The following RAP1GAP variants were observed in gnomAD, a reference collection of about 807,000 sequenced individuals.
The protein encoded by RAP1GAP is RAP1 GTPase activating protein.
RAP1GAP carries 35 observed loss-of-function variants against 87.2 expected under a neutral mutation model. The observed-to-expected ratio is 0.40, with a 90% CI of 0.31 to 0.53. The LOEUF (loss-of-function observed/expected upper bound fraction) is 0.53. Ranked by LOEUF, RAP1GAP falls within the 20% of genes least tolerant of loss-of-function variation. The pLI is 0.48. For synonymous variants in RAP1GAP, 375 were observed against 363.9 expected, an observed-to-expected ratio of 1.03 and a Z score of -0.35; for missense variants, 734 against 898.9, an observed-to-expected ratio of 0.82 and a Z score of 2.35.
chr1:21,612,517 G>A (rs116068530), intron 10 of RAP1GAP, among the ~76,000 whole-genome samples: 2,237 of 152,248 alleles, frequency 0.015, 31 homozygotes, highest in Non-Finnish European at 0.022. Flanking sequence ...CCAATTTGCT[G>A]TGGGCATTGA....
chr1:21,598,850 CTG>C lies in RAP1GAP; in HGVS notation c.1777-350_1777-349del, dbSNP rs563623121. ...GAAGAGACCATTGCAATTCTAGACT[CTG>C]TGCCCCAGCAGGCAGGGCCTGGGTC... On this transcript the variant is annotated intron_variant, in intron 21 of 24. Coordinates refer to ENST00000374765, the MANE Select transcript of RAP1GAP (RefSeq NM_002885.4). 3.7e-3 allele frequency among the ~76,000 whole-genome samples: 557 copies of C among 152,402 alleles called. 6 individuals are homozygous for C. Among genetic ancestry groups the C allele is most frequent in the African/African-American group, 0.013 (541 of 41,602 alleles).
chr1:21,654,687 C>T (rs1458591574), intron 1 of RAP1GAP, among the ~76,000 whole-genome samples: 2 of 151,892 alleles, frequency 1.3e-5, no homozygotes, highest in Admixed American at 6.6e-5. Flanking sequence ...TAAAAATTAG[C>T]CAGGTGTGAT....
chr1:21,634,791 G>T lies in RAP1GAP; in HGVS notation c.-112-8394C>A. The T allele has an allele frequency of 2.2e-6, 1 of 458,782 alleles. No individual in the cohort carries two copies. 28.4% of individuals were successfully genotyped at this position (458,782 alleles called of 1,614,324 possible). Reference sequence around the variant, plus strand: ...TGTCTATCCAGCATCTGTCTCCCTTGCTCAGGTGGCCTGAGCCCCACTGTG... The same window carrying T: ...TGTCTATCCAGCATCTGTCTCCCTTTCTCAGGTGGCCTGAGCCCCACTGTG... On this transcript the variant is annotated intron_variant, in intron 2 of 24. Transcript: ENST00000374765. The surrounding 1 kb of genome is among the most constrained non-coding windows in gnomAD (Gnocchi z 4.1).
intron 2 of RAP1GAP, among the ~76,000 whole-genome samples, chr1:21,648,627 G>A (rs146974341): frequency 0.012 from 1,786 of 152,296 alleles, 34 homozygotes; most frequent in Admixed American, 0.054. Flanking sequence ...TGTCAGTGGT[G>A]TTATTACTGA....
intron 2 of RAP1GAP, among the ~76,000 whole-genome samples, chr1:21,647,562 C>A (rs879665234): frequency 2.6e-5 from 4 of 152,214 alleles, no homozygotes; most frequent in Non-Finnish European, 5.9e-5. Flanking sequence ...CACCTGAAGT[C>A]AGCTCCCGGA....
chr1:21,606,455 G>T (rs2074668557), intron 17 of RAP1GAP, among the ~76,000 whole-genome samples: 1 of 152,202 alleles, frequency 6.6e-6, no homozygotes, highest in African/African-American at 2.4e-5. Flanking sequence ...CCACCAACTT[G>T]CCGGGTGGCC....
rs112238896 is a variant in RAP1GAP, at chr1:21,644,246, C to T, written c.-113+5515G>A. On this transcript the variant is annotated intron_variant, in intron 2 of 24. Coordinates refer to ENST00000374765, the MANE Select transcript of RAP1GAP (RefSeq NM_002885.4). ...TGCTCCCTCTGTCTGGACACCCTGC[C>T]AGCTCCCCCATGGCCAGCTCCTCTC... Among the ~76,000 whole-genome samples, 291 of 152,314 alleles carry T rather than the reference C, an allele frequency of 1.9e-3. 1 individual carries two copies. Among genetic ancestry groups the T allele is most frequent in the Non-Finnish European group, 3.4e-3 (231 of 68,032 alleles).
chr1:21,652,520 C>G (rs934468201), intron 1 of RAP1GAP, among the ~76,000 whole-genome samples: 8 of 152,132 alleles, frequency 5.3e-5, no homozygotes, highest in African/African-American at 1.9e-4. Context: ...GTCTCCCCTT[C>G]TCCCAGGAGT....
intron 1 of RAP1GAP, among the ~76,000 whole-genome samples, chr1:21,654,704 C>T (rs898443090): frequency 1.3e-5 from 2 of 152,022 alleles, no homozygotes; most frequent in Admixed American, 6.6e-5. Flanking sequence ...TGATGGTGCA[C>T]ATATGTAGTC....
chr1:21,616,586 G>A lies in RAP1GAP; in HGVS notation c.291+720C>T, dbSNP rs569272504. On this transcript the variant is annotated intron_variant, in intron 7 of 24. Coordinates refer to ENST00000374765, the MANE Select transcript of RAP1GAP (RefSeq NM_002885.4). Reference sequence around the variant, plus strand: ...TTCCCCATTTTGGCTCTATGCTGACGAAGAGACAGCACCCGGCCTGCAACC... The same window carrying A: ...TTCCCCATTTTGGCTCTATGCTGACAAAGAGACAGCACCCGGCCTGCAACC... 3.4e-3 allele frequency among the ~76,000 whole-genome samples: 514 copies of A among 152,308 alleles called. 2 individuals are homozygous for A. The highest frequency in any genetic ancestry group is 5.3e-3 in the Non-Finnish European group (362 of 68,028).
chr1:21,608,335 C>A lies in RAP1GAP; in HGVS notation c.1174G>T (p.Ala392Ser). Residue 392 changes from alanine to serine, a missense_variant, in exon 17 of 25, where the codon GCC (alanine) becomes TCC (serine). Coordinates refer to ENST00000374765, the MANE Select transcript of RAP1GAP (RefSeq NM_002885.4). ...TCCTCATAGAGCGTCTCCAGGAGGG[C>A]GGCCCGCGTCCGCTCCTGTGGGCCA... ...FAKLEERTRAALLETLYEELH... is the reference protein window; with the variant it reads ...FAKLEERTRASLLETLYEELH... 6.2e-7 allele frequency: 1 copy of A among 1,613,040 alleles called. No homozygotes were observed. The highest frequency in any genetic ancestry group is 8.5e-7 in the Non-Finnish European group (1 of 1,179,664).
intron 2 of RAP1GAP, among the ~76,000 whole-genome samples, chr1:21,645,304 C>G (rs564596859): frequency 5.8e-4 from 88 of 152,110 alleles, no homozygotes; most frequent in African/African-American, 2.1e-3. Flanking sequence ...CAATCGAAGT[C>G]TCAGCCTCTC....
At chr1:21,640,802 C>T (rs1042602672) in intron 2 of RAP1GAP, among the ~76,000 whole-genome samples, 7 of 152,336 alleles carry the variant, frequency 4.6e-5, no homozygotes, top group African/African-American at 1.7e-4. Context: ...GGAGCCCAGC[C>T]TCCTGCCTGC....
At chr1:21,667,769 G>A (rs1336007639) in intron 1 of RAP1GAP, 1 of 152,260 alleles carries the variant, frequency 6.6e-6, no homozygotes, top group East Asian at 1.9e-4. Flanking sequence ...GCCTCTCCGA[G>A]CCTCAGTTTC....
At chr1:21,624,422 G>A (rs2090845533) in intron 3 of RAP1GAP, among the ~76,000 whole-genome samples, 1 of 152,220 alleles carries the variant, frequency 6.6e-6, no homozygotes, top group South Asian at 2.1e-4. Flanking sequence ...GCCCAGAGAC[G>A]GGCAGGGATT....
Position 21,612,117 on chromosome 1 carries a change from A to G in RAP1GAP, c.529-8T>C. On this transcript the variant is annotated splice_region_variant and splice_polypyrimidine_tract_variant and intron_variant, in intron 10 of 24. Coordinates refer to ENST00000374765, the MANE Select transcript of RAP1GAP (RefSeq NM_002885.4). Reference sequence around the variant, plus strand: ...GACGATGAGCCGGGAAGCCTGCAGGAGAGGACGCCGGGTGAAGAGGCTGCG... The same window carrying G: ...GACGATGAGCCGGGAAGCCTGCAGGGGAGGACGCCGGGTGAAGAGGCTGCG... The G allele has an allele frequency of 6.5e-7, 1 of 1,545,364 alleles. No individual in the cohort carries two copies. The highest frequency in any genetic ancestry group is 8.8e-7 in the Non-Finnish European group (1 of 1,141,032).
Position 21,597,135 on chromosome 1 carries a change from C to G in RAP1GAP, c.*164G>C, listed in dbSNP as rs1438440563. 1 of 152,956 alleles carries G rather than the reference C, an allele frequency of 6.5e-6. No homozygotes were observed. The highest frequency in any genetic ancestry group is 2.4e-5 in the African/African-American group (1 of 41,158). 9.5% of individuals were successfully genotyped at this position (152,956 alleles called of 1,614,324 possible). A position where few individuals can be genotyped will look rare whatever the true frequency, so the allele number is the denominator to read the frequency against. Reference sequence around the variant, plus strand: ...ACGGCTCTGCCCTGCAGAGACAGCCCAGATGGGTGGGCCATGGGGAGGGTG... The same window carrying G: ...ACGGCTCTGCCCTGCAGAGACAGCCGAGATGGGTGGGCCATGGGGAGGGTG... On this transcript the variant is annotated 3_prime_UTR_variant, in exon 25 of 25. Coordinates refer to ENST00000374765, the MANE Select transcript of RAP1GAP (RefSeq NM_002885.4).
chr1:21,597,869 T>C, intron 23 of RAP1GAP, 92 bp downstream of exon 23: 1 of 1,499,426 alleles, frequency 6.7e-7, no homozygotes. Flanking sequence ...TAGGGGGACC[T>C]CTTGGTCGAG....
At chr1:21,610,365 T>G in intron 13 of RAP1GAP, 90 bp from the exon 14 acceptor site, 3 of 1,372,624 alleles carry the variant, frequency 2.2e-6, no homozygotes, top group African/African-American at 1.4e-5. Context: ...GGGTTTGGGG[T>G]AGTCAGAGGG....
Sources: allele counts gnomAD v4.1 joint callset (sites outside exome capture counted in the v4.1 genomes callset), GRCh38; gene constraint gnomAD v4.1.1; non-coding constraint Gnocchi (gnomAD v3.1); transcripts MANE v1.5; gene names NCBI Gene and HGNC (gene_info 2026-07-23, HGNC 2026-07-21).